The following KMT5B variants were observed in gnomAD, a reference collection of about 807,000 sequenced individuals.
KMT5B encodes histone-lysine N-methyltransferase KMT5B.
Under a neutral mutation model 83.2 loss-of-function variants are expected in KMT5B, and 10 were observed. The observed-to-expected ratio is 0.12, with a 90% CI of 0.07 to 0.20. The LOEUF (loss-of-function observed/expected upper bound fraction) is 0.20, where lower values mean the gene tolerates loss of function less well. Among genes scored for constraint, KMT5B ranks in the 10% least tolerant of loss-of-function variants. The pLI, the probability that KMT5B is intolerant of heterozygous loss-of-function variation, is 1.00. For synonymous variants in KMT5B, 349 were observed against 388.8 expected (o/e 0.90, Z 1.20); for missense variants, 753 against 1,067.2 (o/e 0.71, Z 4.10).
chr11:68,171,820 T>A lies in KMT5B; in HGVS notation c.654-111A>T. On this transcript the variant is annotated intron_variant, in intron 6 of 10. Transcript: ENST00000304363. This position sits in a 1 kb window ranked among gnomAD's most constrained non-coding sequence, Gnocchi z 5.1. Reference sequence around the variant, plus strand: ...ATCAGAAACTGAAAAGGCCTAGCTGTCTATACTTTAGTTAGCTCACTGGGA... The same window carrying A: ...ATCAGAAACTGAAAAGGCCTAGCTGACTATACTTTAGTTAGCTCACTGGGA... 2.2e-6 allele frequency: 2 copies of A among 904,700 alleles called. No individual in the cohort carries two copies. Among genetic ancestry groups the A allele is most frequent in the Non-Finnish European group, 3.3e-6 (2 of 604,146 alleles). 56.0% of individuals were successfully genotyped at this position (904,700 alleles called of 1,614,324 possible). A position where few individuals can be genotyped will look rare whatever the true frequency, so the allele number is the denominator to read the frequency against.
Position 68,166,831 on chromosome 11 carries a change from A to G in KMT5B, c.1174+151T>C, listed in dbSNP as rs548330282. 28 of 1,450,068 alleles carry G rather than the reference A, an allele frequency of 1.9e-5. No homozygotes were observed. The South Asian group carries it at 3.8e-4, about 20-fold the overall frequency. The allele number at this position is 1,450,068 out of a possible 1,614,324, so 89.8% of individuals were successfully genotyped here. On this transcript the variant is annotated intron_variant, in intron 10 of 10. Transcript: ENST00000304363. ...GGATACAGACTGTGCCTCTACTCAA[A>G]TCACGTCTAGAGCCTTGAAGTGCAG...
At chr11:68,159,923 TG>T (rs375820000) in intron 10 of KMT5B, among the ~76,000 whole-genome samples, 169 of 152,278 alleles carry the variant, frequency 1.1e-3, no homozygotes, top group African/African-American at 4.0e-3. Flanking sequence ...CTGCTAGAAT[TG>T]TACACTCTCA....
chr11:68,212,908 C>G (rs1481140498), intron 1 of KMT5B, among the ~76,000 whole-genome samples: 2 of 147,218 alleles, frequency 1.4e-5, no homozygotes, highest in African/African-American at 4.9e-5. Flanking sequence ...GCCGCTACCG[C>G]TCCCTTCCGG....
intron 1 of KMT5B, among the ~76,000 whole-genome samples, chr11:68,195,042 A>G (rs1211768335): frequency 1.3e-5 from 2 of 152,136 alleles, no homozygotes; most frequent in Admixed American, 1.3e-4. Flanking sequence ...TTAGCCAAGG[A>G]TGGTGGTATG....
chr11:68,180,818 C>A (rs1367503682), intron 3 of KMT5B, among the ~76,000 whole-genome samples: 1 of 152,118 alleles, frequency 6.6e-6, no homozygotes, highest in Non-Finnish European at 1.5e-5. Context: ...CATTTAAAAA[C>A]CAGAGGTATA....
chr11:68,194,835 A>G (rs1858517118), intron 1 of KMT5B, among the ~76,000 whole-genome samples: 1 of 152,172 alleles, frequency 6.6e-6, no homozygotes, highest in Non-Finnish European at 1.5e-5. Flanking sequence ...TGGCATGATA[A>G]ATTTAGAATT....
intron 3 of KMT5B, among the ~76,000 whole-genome samples, chr11:68,184,591 C>G (rs1857257587): frequency 6.6e-6 from 1 of 152,188 alleles, no homozygotes; most frequent in South Asian, 2.1e-4. Flanking sequence ...TGACCACCTA[C>G]CTGGGTATCA....
intron 10 of KMT5B, chr11:68,166,621 G>A: frequency 8.6e-6 from 9 of 1,045,076 alleles, no homozygotes; most frequent in Non-Finnish European, 1.0e-5. Context: ...AATGTATAGA[G>A]TCTAATTTAA....
chr11:68,212,651 G>A (rs551024258), intron 1 of KMT5B: 7 of 152,642 alleles, frequency 4.6e-5, no homozygotes, highest in East Asian at 1.9e-4. Context: ...AGCGGCCGCG[G>A]GGTCGCCGGG....
At chr11:68,176,701 C>T (rs1412251087) in intron 4 of KMT5B, 1 of 152,144 alleles carries the variant, frequency 6.6e-6, no homozygotes, top group African/African-American at 2.4e-5. Flanking sequence ...AGGGGAATTG[C>T]TTGAACTCGA....
intron 4 of KMT5B, among the ~76,000 whole-genome samples, chr11:68,178,682 T>C (rs546541588): frequency 2.6e-5 from 4 of 152,298 alleles, no homozygotes; most frequent in African/African-American, 9.6e-5. Context: ...CCTACAGAAG[T>C]ATGTAAAAGT....
chr11:68,182,971 G>A (rs947157101), intron 3 of KMT5B, among the ~76,000 whole-genome samples: 1 of 149,498 alleles, frequency 6.7e-6, no homozygotes, highest in African/African-American at 2.5e-5. Context: ...CCCGACCTCA[G>A]GTGATCCGCC....
chr11:68,157,807 C>T lies in KMT5B; in HGVS notation c.2539G>A (p.Asp847Asn). The T allele has an allele frequency of 6.2e-7, 1 of 1,614,130 alleles. No individual in the cohort carries two copies. The highest frequency in any genetic ancestry group is 8.5e-7 in the Non-Finnish European group (1 of 1,180,022). Residue 847 changes from aspartate (D) to asparagine (N), a missense_variant, in exon 11 of 11, where the codon GAC becomes AAC. This residue lies in a region of KMT5B where 161 missense variants were observed against 195.1 expected (regional missense o/e 0.83). Transcript: ENST00000304363. ...EEDDYDDDFE[D>N]DFIPLPPAKR... Reference sequence around the variant, plus strand: ...GCTGGAGGAAGAGGAATAAAATCGTCTTCAAAGTCATCATCATAGTCATCC... The same window carrying T: ...GCTGGAGGAAGAGGAATAAAATCGTTTTCAAAGTCATCATCATAGTCATCC...
chr11:68,201,283 G>A (rs1859411876), intron 1 of KMT5B, among the ~76,000 whole-genome samples: 1 of 152,088 alleles, frequency 6.6e-6, no homozygotes, highest in Non-Finnish European at 1.5e-5. Flanking sequence ...CGTTTACAGT[G>A]AACCTATTTA....
chr11:68,167,699 C>T (rs915896728), intron 9 of KMT5B, among the ~76,000 whole-genome samples: 1 of 152,166 alleles, frequency 6.6e-6, no homozygotes, highest in Admixed American at 6.5e-5. Flanking sequence ...CTCAAGGGAT[C>T]TTCCCAGCTG....
At chr11:68,207,651 C>T (rs1469173576) in intron 1 of KMT5B, among the ~76,000 whole-genome samples, 1 of 151,698 alleles carries the variant, frequency 6.6e-6, no homozygotes, top group African/African-American at 2.4e-5. Flanking sequence ...ATTAGCCAGG[C>T]ATGGTGGCAC....
Position 68,158,486 on chromosome 11 carries a change from C to T in KMT5B, c.1860G>A (p.Val620=), listed in dbSNP as rs1859464498. 1.2e-6 allele frequency: 2 copies of T among 1,614,034 alleles called. No homozygotes were observed. The highest frequency in any genetic ancestry group is 1.3e-5 in the African/African-American group (1 of 74,900). ...SKKKSRQGKL[V]KQFAKIEEST... ...ATTCCTCTATTTTTGCAAACTGTTT[C>T]ACAAGTTTTCCTTGTCGTGACTTCT... The change falls in exon 11 of 11, where the codon GTG becomes GTA. Residue 620 remains valine (V), a synonymous_variant. Transcript: ENST00000304363.
Position 68,158,428 on chromosome 11 carries a change from C to G in KMT5B, c.1918G>C (p.Asp640His). 1 of 1,614,108 alleles carries G rather than the reference C, an allele frequency of 6.2e-7. No homozygotes were observed. The highest frequency in any genetic ancestry group is 8.5e-7 in the Non-Finnish European group (1 of 1,179,996). The change falls in exon 11 of 11, where the codon GAC (aspartate) becomes CAC (histidine). Residue 640 changes from aspartate to histidine, a missense_variant. Around this residue, in one of 9 missense-constraint regions of KMT5B, gnomAD observed 397 missense variants for 395.9 expected, o/e 1.00. Coordinates refer to ENST00000304363, the MANE Select transcript of KMT5B (RefSeq NM_017635.5). ...GGACCCATCAAATCTGGTACCGCGT[C>G]GTCTTTTCCAGGAGAATCGTGCACT... Reference protein sequence around the residue: ...TPVHDSPGKDDAVPDLMGPHS... With the variant: ...TPVHDSPGKDHAVPDLMGPHS...
At chr11:68,199,389 A>G (rs1400979037) in intron 1 of KMT5B, among the ~76,000 whole-genome samples, 3 of 152,172 alleles carry the variant, frequency 2.0e-5, no homozygotes, top group Admixed American at 2.0e-4. Context: ...AGGGATGTGA[A>G]GGGACAGCCA....
Sources: gnomAD v4.1 joint callset for allele counts (sites outside exome capture counted in the v4.1 genomes callset) on GRCh38, gnomAD v4.1.1 for gene constraint, gnomAD v4.1.1 regional missense constraint, Gnocchi (gnomAD v3.1) non-coding constraint, MANE v1.5 for transcripts, NCBI Gene and HGNC (gene_info 2026-07-23, HGNC 2026-07-21) for gene names.